FRK: variants seen among roughly 807,000 people sequenced by gnomAD.
FRK encodes the protein fyn related Src family tyrosine kinase.
A neutral mutation model predicts 56.4 loss-of-function variants in FRK; 51 were observed. The observed-to-expected ratio is 0.90, with a 90% CI of 0.72 to 1.14. The LOEUF (loss-of-function observed/expected upper bound fraction) is 1.14, where lower values mean the gene tolerates loss of function less well. Ranked by LOEUF, FRK falls within the 50% of genes most tolerant of loss-of-function variation. The pLI, the probability that FRK is intolerant of heterozygous loss-of-function variation, is 0.00. For missense variants in FRK, 570 were observed against 601.4 expected (o/e 0.95, Z 0.55); for synonymous variants, 245 against 217.9 (o/e 1.12, Z -1.10).
chr6:116,069,490 G>T, the FRK span, among the ~76,000 whole-genome samples: 1 of 152,020 alleles, frequency 6.6e-6, no homozygotes, highest in South Asian at 2.1e-4. Context: ...CTTTCATTTG[G>T]CCAGGCATGG....
In FRK at chr6:115,936,548, T is replaced by A. The variant is rs1772048138; in HGVS notation, c.*5866A>T. On this transcript the variant is annotated 3_prime_UTR_variant, in exon 8 of 8. Coordinates refer to ENST00000606080, the MANE Select transcript of FRK (RefSeq NM_002031.3). ...TCCTCCAAGCTAAAGGAGCATGTTC[T>A]AACCCAATGCAAGGAAGTTAAGAAC... 6.6e-6 allele frequency: 1 copy of A among 152,204 alleles called. No homozygotes were observed. Among genetic ancestry groups the A allele is most frequent in the South Asian group, 2.1e-4 (1 of 4,824 alleles). 9.4% of individuals were successfully genotyped at this position (152,204 alleles called of 1,614,324 possible). A position where few individuals can be genotyped will look rare whatever the true frequency, so the allele number is the denominator to read the frequency against.
At chr6:116,027,385 T>C (rs767971652) in intron 1 of FRK, among the ~76,000 whole-genome samples, 1 of 152,160 alleles carries the variant, frequency 6.6e-6, no homozygotes, top group Non-Finnish European at 1.5e-5. Context: ...AGTCATAGAA[T>C]TTAAGACTGG....
chr6:116,008,757 C>G (rs1163471969), intron 1 of FRK, among the ~76,000 whole-genome samples: 1 of 152,180 alleles, frequency 6.6e-6, no homozygotes, highest in Non-Finnish European at 1.5e-5. Flanking sequence ...TCAGCTCTCT[C>G]TTTAAGCTAC....
At chr6:116,025,196 C>T (rs1192879305) in intron 1 of FRK, among the ~76,000 whole-genome samples, 1 of 152,094 alleles carries the variant, frequency 6.6e-6, no homozygotes, top group African/African-American at 2.4e-5. Flanking sequence ...ACATAGACTG[C>T]CATTGCTTCT....
At chr6:115,979,289 A>G (rs9488818) in intron 2 of FRK, among the ~76,000 whole-genome samples, 31,063 of 151,952 alleles carry the variant, frequency 0.2, 3,644 homozygotes, top group Middle Eastern at 0.3. Context: ...TGACTAGTCC[A>G]AAGGTCGTGT....
At position 115,944,244 on chromosome 6, in the gene FRK, C is replaced by T. The variant is rs1245566172; in HGVS notation, c.1140G>A (p.Lys380=). ...CTAATTAAAACAAAACTAAATCCAC[C>T]TTAAAAACTCTGGCAAGTCCAAAAT... is the stretch of plus-strand genomic sequence containing the variant. ...VADFGLARVF[K]VDNEDIYESR... Residue 380 remains lysine (K), a splice_region_variant and synonymous_variant, in exon 6 of 8, where the codon AAG becomes AAA. Coordinates refer to ENST00000606080, the MANE Select transcript of FRK (RefSeq NM_002031.3). 1 of 1,604,028 alleles carries T rather than the reference C, an allele frequency of 6.2e-7. No individual in the cohort carries two copies. Among genetic ancestry groups the T allele is most frequent in the Non-Finnish European group, 8.5e-7 (1 of 1,177,382 alleles).
chr6:116,094,793 CAG>C, the FRK span, among the ~76,000 whole-genome samples: 1 of 151,430 alleles, frequency 6.6e-6, no homozygotes, highest in African/African-American at 2.4e-5. Flanking sequence ...GGGGAAGAGA[CAG>C]AGACAAAGAG....
intron 1 of FRK, chr6:116,038,831 C>A (rs76882893): frequency 7.7e-6 from 4 of 520,282 alleles, no homozygotes; most frequent in South Asian, 6.2e-5. Flanking sequence ...GGAGCTCATC[C>A]GCACTCTGAA....
At chr6:116,035,510 T>C (rs932426808) in intron 1 of FRK, among the ~76,000 whole-genome samples, 1 of 152,098 alleles carries the variant, frequency 6.6e-6, no homozygotes, top group Non-Finnish European at 1.5e-5. Flanking sequence ...CTCTACGTAA[T>C]AACATTGAAT....
At chr6:115,999,176 A>C (rs1223971710) in intron 2 of FRK, among the ~76,000 whole-genome samples, 1 of 152,226 alleles carries the variant, frequency 6.6e-6, no homozygotes, top group Non-Finnish European at 1.5e-5. Flanking sequence ...GAAATAGCCA[A>C]ACCAGTTGAC....
rs376428620 is a variant in FRK at position 116,007,397 on chromosome 6, T to C, written c.345-3399A>G. Among the ~76,000 whole-genome samples the C allele has an allele frequency of 5.9e-5, 9 of 152,306 alleles. No individual in the cohort carries two copies. The East Asian group carries it at 7.7e-4, about 13-fold the overall frequency. On this transcript the variant is annotated intron_variant, in intron 1 of 7. Coordinates refer to ENST00000606080, the MANE Select transcript of FRK (RefSeq NM_002031.3). ...TCAGGCCCAGGGAAGTTTATTAACT[T>C]GAGACCGCATGGAGAGGTGATGGTT...
chr6:116,046,404 G>A (rs1424357413), intron 1 of FRK, among the ~76,000 whole-genome samples: 1 of 152,160 alleles, frequency 6.6e-6, no homozygotes, highest in African/African-American at 2.4e-5. Context: ...GTGATAGACT[G>A]GATAAAGAAA....
chr6:115,938,249 T>C lies in FRK; in HGVS notation c.*4165A>G, dbSNP rs567570. ...TACTGGGTAAATAATAAAATTAAGG[T>C]AGAAATAAAGTTGTTCATTGAAACC... On this transcript the variant is annotated 3_prime_UTR_variant, in exon 8 of 8. Coordinates refer to ENST00000606080, the MANE Select transcript of FRK (RefSeq NM_002031.3). 0.97 allele frequency: 147,414 copies of C among 152,282 alleles called. 71,541 individuals are homozygous for C. The highest frequency in any genetic ancestry group is 1 in the East Asian group (5,188 of 5,188). 9.4% of individuals were successfully genotyped at this position (152,282 alleles called of 1,614,324 possible).
intron 5 of FRK, among the ~76,000 whole-genome samples, chr6:115,952,326 C>A (rs922404433): frequency 6.6e-6 from 1 of 152,142 alleles, no homozygotes; most frequent in Non-Finnish European, 1.5e-5. Flanking sequence ...AAAAAATGCG[C>A]ACCATCACTG....
Position 116,001,053 on chromosome 6 carries a change from C to T in FRK, c.466+2824G>A, listed in dbSNP as rs535486247. On this transcript the variant is annotated intron_variant, in intron 2 of 7. Transcript: ENST00000606080. ...AGGAGATTGAGACCATCCAGGCTAA[C>T]ACGGTGAAACCCCGTCCCTACTAAA... Among the ~76,000 whole-genome samples, 18 of 152,170 alleles carry T rather than the reference C, an allele frequency of 1.2e-4. No individual in the cohort carries two copies. The East Asian group carries it at 3.3e-3, about 28-fold the overall frequency.
At position 115,958,708 on chromosome 6, in the gene FRK, A is replaced by AAGG. The variant is rs1562257450; in HGVS notation, c.800-2099_800-2098insCCT. Among the ~76,000 whole-genome samples, 93 of 12,370 alleles carry AAGG rather than the reference A, an allele frequency of 7.5e-3. 11 individuals carry two copies. The highest frequency in any genetic ancestry group is 0.029 in the African/African-American group (89 of 3,030). The allele number at this position is 12,370 out of a possible 152,430, so 8.1% of individuals were successfully genotyped here. A position where few individuals can be genotyped will look rare whatever the true frequency, so the allele number is the denominator to read the frequency against. On this transcript the variant is annotated intron_variant, in intron 4 of 7. Coordinates refer to ENST00000606080, the MANE Select transcript of FRK (RefSeq NM_002031.3). ...AGAAAGAAAGAAAGAAAGAAAGAAG[A>AAGG]AAGAAAGAAAGAAAGAAAGAAAGAA... is the stretch of plus-strand genomic sequence containing the variant.
chr6:116,069,696 C>A, the FRK span, among the ~76,000 whole-genome samples: 1 of 152,146 alleles, frequency 6.6e-6, no homozygotes, highest in African/African-American at 2.4e-5. Context: ...GAATGTCATT[C>A]TGCACTAGAG....
chr6:115,973,724 A>G (rs767958387), intron 2 of FRK, among the ~76,000 whole-genome samples: 2 of 152,132 alleles, frequency 1.3e-5, no homozygotes, highest in Non-Finnish European at 2.9e-5. Flanking sequence ...AGAAAAAATT[A>G]GCCGGGTGTG....
intron 2 of FRK, among the ~76,000 whole-genome samples, chr6:115,974,461 T>C (rs1238324266): frequency 6.6e-6 from 1 of 152,160 alleles, no homozygotes; most frequent in Non-Finnish European, 1.5e-5. Context: ...CAATAGCACC[T>C]AGAGTTTTCA....
Sources: gnomAD v4.1 joint callset for allele counts (sites outside exome capture counted in the v4.1 genomes callset) on GRCh38, gnomAD v4.1.1 for gene constraint, MANE v1.5 for transcripts, NCBI Gene and HGNC (gene_info 2026-07-23, HGNC 2026-07-21) for gene names.